CDH13: variants seen among roughly 807,000 people sequenced by gnomAD.
CDH13 encodes the protein cadherin 13.
Under a neutral mutation model 63.8 loss-of-function variants are expected in CDH13, and 24 were observed. The observed-to-expected ratio is 0.38, with a 90% confidence interval of 0.27 to 0.53. CDH13 has a LOEUF of 0.53. Among genes scored for constraint, CDH13 ranks in the 20% least tolerant of loss-of-function variants. CDH13 has a pLI of 0.85. For missense variants in CDH13, 1,049 were observed against 903.1 expected, an observed-to-expected ratio of 1.16 and a Z score of -2.07; for synonymous variants, 503 against 355.3, an observed-to-expected ratio of 1.42 and a Z score of -4.67.
intron 1 of CDH13, among the ~76,000 whole-genome samples, chr16:82,798,930 C>T (rs8057107): frequency 2.6e-5 from 4 of 152,112 alleles, no homozygotes; most frequent in Admixed American, 2.0e-4. Context: ...GATAAAGAAA[C>T]TGAGGCCCAG....
At chr16:83,324,277 C>T (rs1056711079) in intron 5 of CDH13, among the ~76,000 whole-genome samples, 2 of 152,154 alleles carry the variant, frequency 1.3e-5, no homozygotes, top group Non-Finnish European at 2.9e-5. Context: ...CCTCGTGATG[C>T]ACCCGCCTCG....
intron 10 of CDH13, among the ~76,000 whole-genome samples, chr16:83,683,712 A>C (rs1265918767): frequency 6.6e-6 from 1 of 152,220 alleles, no homozygotes; most frequent in Non-Finnish European, 1.5e-5. Flanking sequence ...ATGCATCATT[A>C]ATATCCTGAA....
In CDH13 at chr16:83,213,347, T is replaced by C. The variant is rs1330424517; in HGVS notation, c.484-3998T>C. Among the ~76,000 whole-genome samples the C allele has an allele frequency of 5.3e-5, 8 of 152,262 alleles. No individual in the cohort carries two copies. In the South Asian group the frequency reaches 1.0e-3, roughly 20 times the overall value. On this transcript the variant is annotated intron_variant, in intron 4 of 13. Coordinates refer to ENST00000567109, the MANE Select transcript of CDH13 (RefSeq NM_001257.5). The stretch of plus-strand genomic sequence containing the variant: ...AATTTCTGGGTCTAGAATTCAGCTT[T>C]CTGTGCCGAGTGGCAGGCAGAGAAA...
intron 1 of CDH13, chr16:82,826,777 C>A (rs933853213): frequency 6.6e-6 from 1 of 152,086 alleles, no homozygotes; most frequent in South Asian, 2.1e-4. Flanking sequence ...TTGGCAGGTT[C>A]CTCAGATAAT....
intron 8 of CDH13, among the ~76,000 whole-genome samples, chr16:83,658,406 C>T (rs75664799): frequency 2.8e-4 from 24 of 86,800 alleles, no homozygotes; most frequent in Admixed American, 5.9e-4. Context: ...CTCATGTCCT[C>T]ACCACCAGGT....
intron 5 of CDH13, among the ~76,000 whole-genome samples, chr16:83,243,870 A>T (rs890196895): frequency 6.6e-6 from 1 of 152,186 alleles, no homozygotes; most frequent in Non-Finnish European, 1.5e-5. Context: ...CACTTTATCC[A>T]GATGGCTTAG....
At chr16:82,774,171 G>C (rs2035386479) in intron 1 of CDH13, among the ~76,000 whole-genome samples, 1 of 152,092 alleles carries the variant, frequency 6.6e-6, no homozygotes, top group African/African-American at 2.4e-5. Context: ...CCAACAGAGA[G>C]GCTACATCAT....
chr16:83,433,533 C>G (rs2072193647), intron 6 of CDH13, among the ~76,000 whole-genome samples: 1 of 152,208 alleles, frequency 6.6e-6, no homozygotes, highest in African/African-American at 2.4e-5. Context: ...CCAAAGGCAG[C>G]TGGCCTCACT....
rs369474946 is a variant in CDH13, at chr16:83,349,451, G to T, written c.781+4445G>T. Among the ~76,000 whole-genome samples the T allele has an allele frequency of 8.9e-4, 135 of 152,276 alleles. 1 individual carries two copies. The East Asian group carries it at 0.018, about 20-fold the overall frequency. The stretch of plus-strand genomic sequence containing the variant: ...TGAGAATGGCTGACCATGAGGAATG[G>T]CATGTCAGGCTCCCACAGAAGCAGG... On this transcript the variant is annotated intron_variant, in intron 6 of 13. Coordinates refer to ENST00000567109, the MANE Select transcript of CDH13 (RefSeq NM_001257.5).
At position 82,755,158 on chromosome 16, in the gene CDH13, C is replaced by A. The variant is rs74030836; in HGVS notation, c.46-103204C>A. On this transcript the variant is annotated intron_variant, in intron 1 of 13. Coordinates refer to ENST00000567109, the MANE Select transcript of CDH13 (RefSeq NM_001257.5). The stretch of plus-strand genomic sequence containing the variant: ...TCTTTGTCCAAATCCAGCTGGTCAT[C>A]TAGGGACTGTATAGAAAATTTGCCA... 4.2e-3 allele frequency among the ~76,000 whole-genome samples: 634 copies of A among 152,328 alleles called. 4 individuals are homozygous for A. Among genetic ancestry groups the A allele is most frequent in the African/African-American group, 0.015 (614 of 41,570 alleles).
intron 9 of CDH13, among the ~76,000 whole-genome samples, chr16:83,672,680 C>G (rs982398932): frequency 5.9e-5 from 9 of 152,058 alleles, no homozygotes; most frequent in Non-Finnish European, 1.2e-4. Flanking sequence ...CCGCCTTGGC[C>G]TCCCAAAGTG....
intron 7 of CDH13, among the ~76,000 whole-genome samples, chr16:83,529,209 G>T (rs541987863): frequency 6.6e-6 from 1 of 151,910 alleles, no homozygotes; most frequent in African/African-American, 2.4e-5. Context: ...TATGGTTGGA[G>T]GTCAGACTCT....
At chr16:83,780,404 A>G (rs974453081) in intron 12 of CDH13, among the ~76,000 whole-genome samples, 1 of 152,230 alleles carries the variant, frequency 6.6e-6, no homozygotes, top group Admixed American at 6.5e-5. Flanking sequence ...TCAAACACAG[A>G]CATTTTCTCT....
At chr16:83,048,330 A>G (rs775592728) in intron 3 of CDH13, among the ~76,000 whole-genome samples, 26 of 152,244 alleles carry the variant, frequency 1.7e-4, no homozygotes, top group Non-Finnish European at 3.4e-4. Context: ...ATGAAGCCCA[A>G]TAGATGGGCA....
intron 6 of CDH13, among the ~76,000 whole-genome samples, chr16:83,430,974 C>A (rs930496055): frequency 7.0e-6 from 1 of 142,380 alleles, no homozygotes; most frequent in African/African-American, 2.6e-5. Context: ...CCCCTCCCCC[C>A]ACCTCACAAC....
chr16:83,495,920 G>A (rs2074131213), intron 7 of CDH13, among the ~76,000 whole-genome samples: 1 of 152,020 alleles, frequency 6.6e-6, no homozygotes, highest in Non-Finnish European at 1.5e-5. Context: ...TTGCTTCAAA[G>A]AGAATAAAAT....
chr16:83,428,289 G>A (rs2071977948), intron 6 of CDH13, among the ~76,000 whole-genome samples: 1 of 152,132 alleles, frequency 6.6e-6, no homozygotes, highest in Non-Finnish European at 1.5e-5. Flanking sequence ...CAGTGAACTA[G>A]CTCAAGAAAT....
At chr16:83,194,383 A>T (rs545512059) in intron 4 of CDH13, among the ~76,000 whole-genome samples, 1 of 152,324 alleles carries the variant, frequency 6.6e-6, no homozygotes, top group South Asian at 2.1e-4. Context: ...AGAAAGAAAA[A>T]CCACATTGTT....
intron 2 of CDH13, among the ~76,000 whole-genome samples, chr16:82,871,748 A>T (rs1257837054): frequency 2.0e-5 from 3 of 152,164 alleles, no homozygotes; most frequent in African/African-American, 7.2e-5. Context: ...AAACACTTGG[A>T]TCTAGATGCA....
Sources: allele counts gnomAD v4.1 joint callset (sites outside exome capture counted in the v4.1 genomes callset), GRCh38; gene constraint gnomAD v4.1.1; transcripts MANE v1.5; gene names NCBI Gene and HGNC (gene_info 2026-07-23, HGNC 2026-07-21).